The following ATP6V0A2 variants were observed in gnomAD, a reference collection of about 807,000 sequenced individuals.
ATP6V0A2 encodes ATPase H+ transporting V0 subunit a2.
In ATP6V0A2, 58 loss-of-function variants were observed where a neutral mutation model predicts 104.4. That is an observed-to-expected ratio of 0.56 (90% CI 0.45 to 0.69). The LOEUF (loss-of-function observed/expected upper bound fraction) is 0.69. Ranked by LOEUF, ATP6V0A2 falls within the 30% of genes least tolerant of loss-of-function variation. ATP6V0A2 has a pLI of 0.00. For missense variants in ATP6V0A2, 938 were observed against 1,062.9 expected, an observed-to-expected ratio of 0.88 and a Z score of 1.63; for synonymous variants, 376 against 397.9, an observed-to-expected ratio of 0.95 and a Z score of 0.65.
chr12:123,754,578 G>A lies in ATP6V0A2; in HGVS notation c.2293+41G>A, dbSNP rs375884081. ...GACCTGCAGTTCCCAATGCCCTGTAGTGCCAGCAGACTCAGGGGGCACTGT... is the reference window on the plus strand; with the variant it reads ...GACCTGCAGTTCCCAATGCCCTGTAATGCCAGCAGACTCAGGGGGCACTGT... On this transcript the variant is annotated intron_variant, in intron 18 of 19. Transcript: ENST00000330342. 45 of 1,409,870 alleles carry A rather than the reference G, an allele frequency of 3.2e-5. No homozygotes were observed. The African/African-American group carries it at 5.7e-4, about 18-fold the overall frequency. 87.3% of individuals were successfully genotyped at this position (1,409,870 alleles called of 1,614,324 possible).
At chr12:123,741,686 A>C (rs1040332820) in intron 9 of ATP6V0A2, among the ~76,000 whole-genome samples, 1 of 150,486 alleles carries the variant, frequency 6.6e-6, no homozygotes, top group Non-Finnish European at 1.5e-5. Context: ...CTGGTCTTGA[A>C]CTCCTGGGCT....
intron 9 of ATP6V0A2, among the ~76,000 whole-genome samples, chr12:123,740,503 G>T (rs188716746): frequency 6.6e-6 from 1 of 152,172 alleles, no homozygotes; most frequent in Non-Finnish European, 1.5e-5. Context: ...GAGCCATCGC[G>T]CCTGGCCCAG....
chr12:123,754,257 A>G, intron 17 of ATP6V0A2, 163 bp from the exon 18 acceptor site: 2 of 658,582 alleles, frequency 3.0e-6, no homozygotes, highest in Non-Finnish European at 5.5e-6. Flanking sequence ...AGAGTGGTGA[A>G]CAGAGTGCGT....
At position 123,722,347 on chromosome 12, in the gene ATP6V0A2, A is replaced by G. The variant is rs541441279; in HGVS notation, c.197-4A>G. On this transcript the variant is annotated splice_region_variant and splice_polypyrimidine_tract_variant and intron_variant, in intron 2 of 19. Coordinates refer to ENST00000330342, the MANE Select transcript of ATP6V0A2 (RefSeq NM_012463.4). The stretch of plus-strand genomic sequence containing the variant: ...ATCTAATTGTTTAACTTTTATTTTC[A>G]CAGTGTATTTGGTACAGGAAATTAA... 69 of 1,564,180 alleles carry G rather than the reference A, an allele frequency of 4.4e-5. 1 individual carries two copies. The South Asian group carries it at 7.4e-4, about 17-fold the overall frequency.
chr12:123,748,893 G>A, intron 15 of ATP6V0A2, 108 bp downstream of exon 15: 5 of 1,100,398 alleles, frequency 4.5e-6, no homozygotes, highest in Non-Finnish European at 6.9e-6. Context: ...TGGGAAGGCT[G>A]CTTCTGTCTC....
intron 13 of ATP6V0A2, among the ~76,000 whole-genome samples, chr12:123,745,565 G>A (rs1373532403): frequency 6.6e-6 from 1 of 152,114 alleles, no homozygotes; most frequent in East Asian, 1.9e-4. Context: ...AATTAGCTGG[G>A]TGTGGTGGCT....
At chr12:123,729,813 T>C (rs1956483618) in intron 6 of ATP6V0A2, among the ~76,000 whole-genome samples, 1 of 151,996 alleles carries the variant, frequency 6.6e-6, no homozygotes, top group African/African-American at 2.4e-5. Context: ...GATTGATTGA[T>C]TGATTGATTT....
intron 6 of ATP6V0A2, among the ~76,000 whole-genome samples, chr12:123,728,138 C>T (rs989300745): frequency 3.9e-5 from 6 of 152,224 alleles, no homozygotes; most frequent in Non-Finnish European, 7.3e-5. Flanking sequence ...ATTACTATGT[C>T]CTGAGCCTTG....
chr12:123,729,119 T>C (rs1956476183), intron 6 of ATP6V0A2, among the ~76,000 whole-genome samples: 1 of 152,238 alleles, frequency 6.6e-6, no homozygotes, highest in African/African-American at 2.4e-5. Context: ...TTTTATTTGA[T>C]GGGTTCCTGT....
In ATP6V0A2 at chr12:123,759,308, CT is replaced by C. The variant is rs1299757566; in HGVS notation, c.*1283del. The C allele has an allele frequency of 6.6e-6, 1 of 152,106 alleles. No homozygotes were observed. Among genetic ancestry groups the C allele is most frequent in the Admixed American group, 6.5e-5 (1 of 15,270 alleles). The allele number at this position is 152,106 out of a possible 1,614,324, so 9.4% of individuals were successfully genotyped here. ...TATCCTTGAGAACAGTCTAATGATA[CT>C]TTTTTTACTTTCAGACTGTTTCTAG... On this transcript the variant is annotated 3_prime_UTR_variant, in exon 20 of 20. Coordinates refer to ENST00000330342, the MANE Select transcript of ATP6V0A2 (RefSeq NM_012463.4).
rs1956769021 is a variant in ATP6V0A2 at position 123,756,852 on chromosome 12, G to A, written c.2331G>A (p.Val777=). 1.2e-6 allele frequency: 2 copies of A among 1,614,090 alleles called. No individual in the cohort carries two copies. Among genetic ancestry groups the A allele is most frequent in the Non-Finnish European group, 1.7e-6 (2 of 1,180,026 alleles). ...TCCTGTGGGCCATGCTGATGCGCGT[G>A]GGCCTCCGCGTTGACACCACCTATG... ...SDVLWAMLMR[V]GLRVDTTYGV... The change falls in exon 19 of 20, where the codon GTG becomes GTA. Residue 777 remains valine (V), a synonymous_variant. Coordinates refer to ENST00000330342, the MANE Select transcript of ATP6V0A2 (RefSeq NM_012463.4).
intron 13 of ATP6V0A2, among the ~76,000 whole-genome samples, chr12:123,746,286 T>C (rs1225806640): frequency 6.6e-6 from 1 of 152,036 alleles, no homozygotes; most frequent in Non-Finnish European, 1.5e-5. Context: ...ATTAATTTGG[T>C]TCAAAAGTAA....
intron 9 of ATP6V0A2, among the ~76,000 whole-genome samples, chr12:123,740,663 T>A (rs1956600408): frequency 6.6e-6 from 1 of 152,252 alleles, no homozygotes. Context: ...TAGGACCTCC[T>A]GTCATCTTTC....
chr12:123,720,638 G>A (rs1200286380), intron 2 of ATP6V0A2, among the ~76,000 whole-genome samples: 3 of 152,170 alleles, frequency 2.0e-5, no homozygotes, highest in African/African-American at 4.8e-5. Context: ...AGGTTATTGT[G>A]GGCCAGGATG....
chr12:123,712,536 C>T lies in ATP6V0A2; in HGVS notation c.-30C>T, dbSNP rs1489249257. 7.2e-6 allele frequency: 11 copies of T among 1,526,088 alleles called. No homozygotes were observed. Among genetic ancestry groups the T allele is most frequent in the Non-Finnish European group, 7.9e-6 (9 of 1,133,588 alleles). The allele number at this position is 1,526,088 out of a possible 1,614,324, so 94.5% of individuals were successfully genotyped here. A position where few individuals can be genotyped will look rare whatever the true frequency, so the allele number is the denominator to read the frequency against. On this transcript the variant is annotated 5_prime_UTR_variant, in exon 1 of 20. Coordinates refer to ENST00000330342, the MANE Select transcript of ATP6V0A2 (RefSeq NM_012463.4). ...GCGGCTCGGAGCCGCCGCCGCCCAT[C>T]GAGCCCCTCCGGGCGCGGGTCGGCC...
At chr12:123,724,181 C>T (rs1956426239) in intron 3 of ATP6V0A2, 1 of 152,000 alleles carries the variant, frequency 6.6e-6, no homozygotes, top group Non-Finnish European at 1.5e-5. Context: ...CCTCCATCTC[C>T]TGGGTTCACG....
chr12:123,722,273 T>C (rs529603985), intron 2 of ATP6V0A2, 78 bp from the exon 3 acceptor site: 34 of 968,428 alleles, frequency 3.5e-5, no homozygotes, highest in East Asian at 1.8e-4. Flanking sequence ...TTGGGAAACA[T>C]TGGGCTTTAA....
At chr12:123,747,370 T>C (rs934754028) in intron 13 of ATP6V0A2, among the ~76,000 whole-genome samples, 4 of 152,228 alleles carry the variant, frequency 2.6e-5, no homozygotes, top group African/African-American at 9.6e-5. Flanking sequence ...CTAAACGCTA[T>C]GTGGTTCCAT....
In ATP6V0A2 at chr12:123,744,900, C is replaced by T. The variant is rs1288764847; in HGVS notation, c.1533C>T (p.His511=). The change falls in exon 13 of 20, where the codon CAC becomes CAT. Residue 511 remains histidine, a synonymous_variant. Coordinates refer to ENST00000330342, the MANE Select transcript of ATP6V0A2 (RefSeq NM_012463.4). This position sits in a 1 kb window ranked among gnomAD's most constrained non-coding sequence, Gnocchi z 5.4. The part of the protein sequence containing the change: ...MVLWNDSVVR[H]NSILQLDPSI... ...GTTACAGTGACAGCGTCGTTAGACACAACAGCATTTTGCAGCTGGATCCAA... is the reference window on the plus strand; with the variant it reads ...GTTACAGTGACAGCGTCGTTAGACATAACAGCATTTTGCAGCTGGATCCAA... The T allele has an allele frequency of 1.2e-6, 2 of 1,614,074 alleles. No individual in the cohort carries two copies. The highest frequency in any genetic ancestry group is 1.7e-6 in the Non-Finnish European group (2 of 1,180,040).
Sources: allele counts gnomAD v4.1 joint callset (sites outside exome capture counted in the v4.1 genomes callset), GRCh38; gene constraint gnomAD v4.1.1; non-coding constraint Gnocchi (gnomAD v3.1); transcripts MANE v1.5; gene names NCBI Gene and HGNC (gene_info 2026-07-23, HGNC 2026-07-21).